Variants in PNPLA7 observed in about 807,000 individuals in gnomAD.
PNPLA7 encodes the protein patatin-like phospholipase domain-containing protein 7.
A neutral mutation model predicts 161.7 loss-of-function variants in PNPLA7; 153 were observed. That is an observed-to-expected ratio of 0.95 (90% CI 0.83 to 1.08). The LOEUF is 1.08. Among genes scored for constraint, PNPLA7 ranks in the 50% least tolerant of loss-of-function variants. The pLI is 0.00. For synonymous variants in PNPLA7, 809 were observed against 782.1 expected (o/e 1.03, Z -0.57); for missense variants, 1,739 against 1,856.6 (o/e 0.94, Z 1.16).
At position 137,543,175 on chromosome 9, in the gene PNPLA7, C is replaced by T. The variant is rs1836302996; in HGVS notation, c.506+257G>A. Among the ~76,000 whole-genome samples, 1 of 152,174 alleles carries T rather than the reference C, an allele frequency of 6.6e-6. No homozygotes were observed. Among genetic ancestry groups the T allele is most frequent in the African/African-American group, 2.4e-5 (1 of 41,442 alleles). ...CCCAGGCTCCAGGCTTTGGATCCACCACACCCTTCTTGCTCTTGCCCTGGG... is the reference window on the plus strand; with the variant it reads ...CCCAGGCTCCAGGCTTTGGATCCACTACACCCTTCTTGCTCTTGCCCTGGG... On this transcript the variant is annotated intron_variant, in intron 6 of 34. Coordinates refer to ENST00000406427, the MANE Select transcript of PNPLA7 (RefSeq NM_001098537.3). This position sits in a 1 kb window ranked among gnomAD's most constrained non-coding sequence, Gnocchi z 6.9.
At chr9:137,516,879 C>CACATCA (rs1389003072) in intron 11 of PNPLA7, among the ~76,000 whole-genome samples, 1 of 151,558 alleles carries the variant, frequency 6.6e-6, no homozygotes. Flanking sequence ...TGGGAAAAAG[C>CACATCA]ACATCAGCCA....
Position 137,500,899 on chromosome 9 carries a change from G to A in PNPLA7, c.1552-3C>T, listed in dbSNP as rs909982325. On this transcript the variant is annotated splice_region_variant and splice_polypyrimidine_tract_variant and intron_variant, in intron 15 of 34. Coordinates refer to ENST00000406427, the MANE Select transcript of PNPLA7 (RefSeq NM_001098537.3). This position sits in a 1 kb window ranked among gnomAD's most constrained non-coding sequence, Gnocchi z 5.5. ...ACCACGAACAGGATGCTGGCGTCCT[G>A]ACACACGAGAGGGCTCAGGAGGCGC... The A allele has an allele frequency of 1.3e-6, 2 of 1,562,252 alleles. No homozygotes were observed. Among genetic ancestry groups the A allele is most frequent in the Non-Finnish European group, 8.6e-7 (1 of 1,158,178 alleles).
intron 12 of PNPLA7, among the ~76,000 whole-genome samples, chr9:137,514,710 C>G (rs1219391135): frequency 2.2e-3 from 246 of 113,120 alleles, no homozygotes; most frequent in Middle Eastern, 8.8e-3. Context: ...TTGATGTGCC[C>G]GGGCCCTGTG....
At position 137,523,608 on chromosome 9, in the gene PNPLA7, G is replaced by A. The variant is rs183076349; in HGVS notation, c.748-751C>T. ...GAAAGGCTGTTGTTTACACCATGCC[G>A]TCACCTGCCTGCAGAGACAGATTTT... On this transcript the variant is annotated intron_variant, in intron 8 of 34. Coordinates refer to ENST00000406427, the MANE Select transcript of PNPLA7 (RefSeq NM_001098537.3). This position sits in a 1 kb window ranked among gnomAD's most constrained non-coding sequence, Gnocchi z 4.4. Among the ~76,000 whole-genome samples, 28 of 152,106 alleles carry A rather than the reference G, an allele frequency of 1.8e-4. No homozygotes were observed. The highest frequency in any genetic ancestry group is 5.8e-4 in the East Asian group (3 of 5,174).
intron 12 of PNPLA7, among the ~76,000 whole-genome samples, chr9:137,514,073 G>A (rs1489074210): frequency 6.6e-6 from 1 of 151,954 alleles, no homozygotes; most frequent in Non-Finnish European, 1.5e-5. Flanking sequence ...TCACCTGACT[G>A]TTGAGGTGCC....
Position 137,522,784 on chromosome 9 carries a change from G to T in PNPLA7, c.821C>A (p.Ala274Glu), listed in dbSNP as rs371090285. ...IPSTILRLPA[A>E]AFHGVFEKYP... ...TTTCTCAAAAACTCCATGAAAAGCC[G>T]CAGCTGGAAGCCGGAGGATGGTGGA... The change falls in exon 9 of 35, where the codon GCG (alanine) becomes GAG (glutamate). Residue 274 changes from alanine to glutamate, a missense_variant. Around this residue, in one of 6 missense-constraint regions of PNPLA7, gnomAD observed 152 missense variants for 193.5 expected, o/e 0.79. Transcript: ENST00000406427. 1.2e-5 allele frequency: 20 copies of T among 1,613,828 alleles called. No homozygotes were observed. Among genetic ancestry groups the T allele is most frequent in the Middle Eastern group, 3.3e-4 (2 of 6,062 alleles).
intron 8 of PNPLA7, among the ~76,000 whole-genome samples, chr9:137,534,505 C>T (rs1251172719): frequency 6.6e-6 from 1 of 152,220 alleles, no homozygotes; most frequent in Non-Finnish European, 1.5e-5. Flanking sequence ...AGACTCCTCC[C>T]CCTCCTCCAA....
At chr9:137,494,066 C>T (rs527402496) in intron 19 of PNPLA7, among the ~76,000 whole-genome samples, 1 of 152,166 alleles carries the variant, frequency 6.6e-6, no homozygotes, top group South Asian at 2.1e-4. Flanking sequence ...GTGAGAGGCA[C>T]TGGCCGTAAA....
rs369324475 is a variant in PNPLA7 at position 137,462,634 on chromosome 9, G to A, written c.3492+51C>T. 19 of 1,597,888 alleles carry A rather than the reference G, an allele frequency of 1.2e-5. 1 individual carries two copies. Among genetic ancestry groups the A allele is most frequent in the South Asian group, 7.9e-5 (7 of 88,824 alleles). On this transcript the variant is annotated intron_variant, in intron 30 of 34. Transcript: ENST00000406427. ...TCCCCTGCCGCAGGACAGGTGTGGA[G>A]CTGCAGGGAGGAGCAGCAGGGACAG...
At chr9:137,495,245 GACACCCCATCC>G (rs1832991286) in intron 18 of PNPLA7, 99 bp from the exon 19 acceptor site, 1 of 780,326 alleles carries the variant, frequency 1.3e-6, no homozygotes, top group Admixed American at 2.5e-5. Flanking sequence ...AGCCACACAT[GACACCCCATCC>G]ACACCGCAAG....
intron 20 of PNPLA7, among the ~76,000 whole-genome samples, chr9:137,485,901 G>A (rs1832456681): frequency 6.6e-6 from 1 of 152,202 alleles, no homozygotes; most frequent in Non-Finnish European, 1.5e-5. Context: ...TCCCCCAGAG[G>A]GTCCCAGGCC....
rs113498414 is a variant in PNPLA7, at chr9:137,467,919, T to A, written c.2883-446A>T. On this transcript the variant is annotated intron_variant, in intron 25 of 34. Transcript: ENST00000406427. This position sits in a 1 kb window ranked among gnomAD's most constrained non-coding sequence, Gnocchi z 5.1. The stretch of plus-strand genomic sequence containing the variant: ...ACTCAAAATAAATAAATAAATAAAT[T>A]AATTAAATAAATGAAATCCTTCCTT... 6.9e-3 allele frequency among the ~76,000 whole-genome samples: 1,047 copies of A among 151,714 alleles called. 6 individuals are homozygous for A. Among genetic ancestry groups the A allele is most frequent in the African/African-American group, 0.012 (483 of 41,342 alleles).
rs1334359614 is a variant in PNPLA7 at position 137,486,178 on chromosome 9, A to G, written c.2198-1442T>C. Among the ~76,000 whole-genome samples, 2 of 152,178 alleles carry G rather than the reference A, an allele frequency of 1.3e-5. No individual in the cohort carries two copies. The highest frequency in any genetic ancestry group is 4.8e-5 in the African/African-American group (2 of 41,516). On this transcript the variant is annotated intron_variant, in intron 20 of 34. Transcript: ENST00000406427. This position sits in a 1 kb window ranked among gnomAD's most constrained non-coding sequence, Gnocchi z 6.0. ...ACGCAGGTCCTGATTGGCCAAGGTCAGAGTAAGGGGACGCGGCATGGTGAG... is the reference window on the plus strand; with the variant it reads ...ACGCAGGTCCTGATTGGCCAAGGTCGGAGTAAGGGGACGCGGCATGGTGAG...
intron 12 of PNPLA7, among the ~76,000 whole-genome samples, chr9:137,506,986 G>A (rs955147000): frequency 4.6e-5 from 7 of 152,218 alleles, no homozygotes; most frequent in Admixed American, 2.6e-4. Context: ...CACAGATGCC[G>A]CAGCCACATG....
chr9:137,467,520 G>C lies in PNPLA7; in HGVS notation c.2883-47C>G, dbSNP rs752005598. 1 of 1,598,500 alleles carries C rather than the reference G, an allele frequency of 6.3e-7. No homozygotes were observed. Among genetic ancestry groups the C allele is most frequent in the Non-Finnish European group, 8.5e-7 (1 of 1,172,542 alleles). On this transcript the variant is annotated intron_variant, in intron 25 of 34. Coordinates refer to ENST00000406427, the MANE Select transcript of PNPLA7 (RefSeq NM_001098537.3). The surrounding 1 kb of genome is among the most constrained non-coding windows in gnomAD (Gnocchi z 5.1). ...AGCAAGGAGTGAGTACCAGGCCCAGGCTGCGCCCTGCAGAGGCCTTGTGCT... is the reference window on the plus strand; with the variant it reads ...AGCAAGGAGTGAGTACCAGGCCCAGCCTGCGCCCTGCAGAGGCCTTGTGCT...
chr9:137,508,159 G>A (rs1221324898), intron 12 of PNPLA7, among the ~76,000 whole-genome samples: 2 of 152,220 alleles, frequency 1.3e-5, no homozygotes, highest in South Asian at 2.1e-4. Context: ...CCAGGAGCTC[G>A]AGGCTGCAGT....
At chr9:137,502,050 T>C (rs1833457343) in intron 14 of PNPLA7, among the ~76,000 whole-genome samples, 1 of 152,220 alleles carries the variant, frequency 6.6e-6, no homozygotes, top group Non-Finnish European at 1.5e-5. Flanking sequence ...GTGATTTCTT[T>C]ATAAGTGGTG....
intron 26 of PNPLA7, among the ~76,000 whole-genome samples, chr9:137,465,156 A>G (rs1831404169): frequency 6.6e-6 from 1 of 152,134 alleles, no homozygotes; most frequent in Non-Finnish European, 1.5e-5. Flanking sequence ...GGACGTGCTT[A>G]CACCGTGTGA....
intron 21 of PNPLA7, among the ~76,000 whole-genome samples, chr9:137,483,884 C>T (rs1167851595): frequency 1.3e-5 from 2 of 152,168 alleles, no homozygotes; most frequent in African/African-American, 2.4e-5. Flanking sequence ...TTCTGAAATA[C>T]TCTTGTCACA....
Sources: allele counts gnomAD v4.1 joint callset (sites outside exome capture counted in the v4.1 genomes callset), GRCh38; gene constraint gnomAD v4.1.1; regional missense constraint gnomAD v4.1.1; non-coding constraint Gnocchi (gnomAD v3.1); transcripts MANE v1.5; gene names NCBI Gene and HGNC (gene_info 2026-07-23, HGNC 2026-07-21).